The following EYS variants were observed in gnomAD, a reference collection of about 807,000 sequenced individuals.
EYS encodes the protein EGF-like photoreceptor maintenance factor, also known as protein eyes shut homolog.
In EYS, 250 loss-of-function variants were observed where a neutral mutation model predicts 282.1. That is an observed-to-expected ratio of 0.89 (90% confidence interval 0.80 to 0.98). The LOEUF (loss-of-function observed/expected upper bound fraction) is 0.98. EYS is among the 50% of genes least tolerant of loss of function. EYS has a pLI of 0.00. For missense variants in EYS, 4,016 were observed against 3,709.0 expected (o/e 1.08, Z -2.15); for synonymous variants, 1,355 against 1,282.9 (o/e 1.06, Z -1.20).
chr6:64,419,949 G>T (rs1159982374), intron 28 of EYS, among the ~76,000 whole-genome samples: 1 of 152,194 alleles, frequency 6.6e-6, no homozygotes, highest in Non-Finnish European at 1.5e-5. Context: ...TCTGTGCGGG[G>T]TCTTTGACCC....
intron 12 of EYS, among the ~76,000 whole-genome samples, chr6:65,253,450 G>T (rs1197028297): frequency 6.6e-6 from 1 of 151,766 alleles, no homozygotes; most frequent in African/African-American, 2.4e-5. Flanking sequence ...TATCCAAGGT[G>T]ATTTTCCTTT....
chr6:65,248,708 T>C (rs1767243434), intron 12 of EYS, among the ~76,000 whole-genome samples: 1 of 151,860 alleles, frequency 6.6e-6, no homozygotes, highest in Admixed American at 6.6e-5. Context: ...GTCCACAAAT[T>C]AGGGTGACGT....
intron 22 of EYS, among the ~76,000 whole-genome samples, chr6:64,694,314 A>G (rs556339762): frequency 2.0e-5 from 3 of 152,214 alleles, no homozygotes; most frequent in African/African-American, 7.2e-5. Flanking sequence ...GCTTTTAAAA[A>G]TAAGGCAGAA....
At chr6:65,688,613 C>CA (rs1769119070) in intron 1 of EYS, among the ~76,000 whole-genome samples, 1 of 151,490 alleles carries the variant, frequency 6.6e-6, no homozygotes, top group South Asian at 2.1e-4. Context: ...AAAATTTTTG[C>CA]AAACTACTCA....
At chr6:63,871,443 T>A (rs1772801710) in intron 35 of EYS, among the ~76,000 whole-genome samples, 1 of 152,086 alleles carries the variant, frequency 6.6e-6, no homozygotes. Context: ...GGCAGATCAC[T>A]TGAGGTCAGG....
chr6:65,659,700 T>A (rs977990638), intron 1 of EYS, among the ~76,000 whole-genome samples: 2 of 147,846 alleles, frequency 1.4e-5, no homozygotes, highest in African/African-American at 4.9e-5. Context: ...TGCTATGCTT[T>A]CTATTTCTTT....
intron 19 of EYS, among the ~76,000 whole-genome samples, chr6:64,877,419 T>C (rs79842524): frequency 6.6e-6 from 1 of 152,164 alleles, no homozygotes; most frequent in Admixed American, 6.6e-5. Context: ...ATTTATGGTA[T>C]TTTTTAAATG....
At chr6:63,727,090 T>TTTGAATCAGAATTTGA (rs1491301738) in intron 41 of EYS, among the ~76,000 whole-genome samples, 3 of 152,174 alleles carry the variant, frequency 2.0e-5, no homozygotes, top group African/African-American at 7.2e-5. Flanking sequence ...CTTCAGCCTC[T>TTTGAATCAGAATTTGA]ATATTTCTGA....
intron 12 of EYS, among the ~76,000 whole-genome samples, chr6:65,094,546 TG>T (rs980753275): frequency 6.6e-6 from 1 of 150,388 alleles, no homozygotes; most frequent in Middle Eastern, 3.2e-3. Flanking sequence ...CACAAAGAAA[TG>T]AAACTGAGAA....
At chr6:64,707,202 A>T (rs1771051294) in intron 22 of EYS, among the ~76,000 whole-genome samples, 1 of 152,112 alleles carries the variant, frequency 6.6e-6, no homozygotes, top group Non-Finnish European at 1.5e-5. Context: ...CAGCAATCTG[A>T]ATAGAATTGA....
intron 26 of EYS, among the ~76,000 whole-genome samples, chr6:64,505,784 T>C (rs1216885270): frequency 1.3e-5 from 2 of 152,218 alleles, no homozygotes; most frequent in Non-Finnish European, 2.9e-5. Flanking sequence ...CAATTCAGTC[T>C]GCACCATGAA....
At chr6:64,462,565 C>T (rs145639888) in intron 26 of EYS, among the ~76,000 whole-genome samples, 2,480 of 152,022 alleles carry the variant, frequency 0.016, 23 homozygotes, top group South Asian at 0.035. Context: ...TATCTAGTGT[C>T]GCCACTTCCT....
chr6:64,954,211 G>A (rs1312340461), intron 14 of EYS, among the ~76,000 whole-genome samples: 1 of 151,442 alleles, frequency 6.6e-6, no homozygotes, highest in Non-Finnish European at 1.5e-5. Context: ...CTTACGGCAT[G>A]CCCTACCTTC....
At chr6:65,168,462 C>T (rs1765026905) in intron 12 of EYS, among the ~76,000 whole-genome samples, 1 of 151,184 alleles carries the variant, frequency 6.6e-6, no homozygotes, top group Admixed American at 6.6e-5. Flanking sequence ...TGGTATAGGC[C>T]TCCTTCCTAT....
intron 33 of EYS, among the ~76,000 whole-genome samples, chr6:64,055,795 T>C (rs1175494881): frequency 2.6e-5 from 4 of 152,182 alleles, no homozygotes; most frequent in Non-Finnish European, 4.4e-5. Flanking sequence ...GAACAGTCGC[T>C]AACACAGGGA....
chr6:64,423,949 A>G lies in EYS; in HGVS notation c.5927+12225T>C, dbSNP rs539442740. ...TCACTTTTGATTATTTTAAATGCTA[A>G]CATTTCTTGGAAGAAAATGTTTATT... On this transcript the variant is annotated intron_variant, in intron 28 of 42. Coordinates refer to ENST00000503581, the MANE Select transcript of EYS (RefSeq NM_001142800.2). 7.2e-5 allele frequency among the ~76,000 whole-genome samples: 11 copies of G among 152,350 alleles called. No individual in the cohort carries two copies. In the South Asian group the frequency reaches 2.3e-3, roughly 32 times the overall value.
chr6:64,060,912 CA>C (rs1344887878), intron 33 of EYS, among the ~76,000 whole-genome samples: 2 of 152,104 alleles, frequency 1.3e-5, no homozygotes, highest in East Asian at 3.9e-4. Flanking sequence ...GATCTTAAAC[CA>C]TGCATTTCTT....
chr6:64,760,803 G>C (rs1773133125), intron 22 of EYS, among the ~76,000 whole-genome samples: 1 of 152,162 alleles, frequency 6.6e-6, no homozygotes, highest in African/African-American at 2.4e-5. Flanking sequence ...GGATGCTTCG[G>C]TGGGAACCCT....
intron 40 of EYS, among the ~76,000 whole-genome samples, chr6:63,766,864 T>C (rs1280258234): frequency 1.3e-5 from 2 of 151,894 alleles, no homozygotes; most frequent in African/African-American, 4.8e-5. Context: ...AGCAATATAG[T>C]AAAGGGAAAA....
Sources: allele counts gnomAD v4.1 joint callset (sites outside exome capture counted in the v4.1 genomes callset), GRCh38; gene constraint gnomAD v4.1.1; transcripts MANE v1.5; gene names NCBI Gene and HGNC (gene_info 2026-07-23, HGNC 2026-07-21).